Variants in NKAIN3 observed in about 807,000 individuals in gnomAD.
NKAIN3 encodes sodium/potassium-transporting ATPase subunit beta-1-interacting protein 3.
NKAIN3 carries 25 observed loss-of-function variants against 30.2 expected under a neutral mutation model. The ratio of observed to expected loss-of-function variants is 0.83; its 90% CI spans 0.60 to 1.16. The LOEUF is 1.16. Among genes scored for constraint, NKAIN3 ranks in the 50% most tolerant of loss-of-function variants. The pLI, the probability that NKAIN3 is intolerant of heterozygous loss-of-function variation, is 0.00. For synonymous variants in NKAIN3, 91 were observed against 89.6 expected (o/e 1.02, Z -0.09); for missense variants, 225 against 254.1 (o/e 0.89, Z 0.78).
chr8:62,854,053 G>T (rs1367061718), intron 4 of NKAIN3, among the ~76,000 whole-genome samples: 1 of 152,122 alleles, frequency 6.6e-6, no homozygotes, highest in Non-Finnish European at 1.5e-5. Context: ...ATTGTGCTGT[G>T]GTCCAAGAGA....
chr8:62,465,202 C>T (rs12548105), intron 1 of NKAIN3, among the ~76,000 whole-genome samples: 27,720 of 152,072 alleles, frequency 0.18, 2,646 homozygotes, highest in African/African-American at 0.21. Flanking sequence ...TTATTGTATA[C>T]GTTGCAAGTA....
intron 1 of NKAIN3, among the ~76,000 whole-genome samples, chr8:62,469,131 C>G (rs912134910): frequency 2.0e-5 from 3 of 152,144 alleles, no homozygotes; most frequent in Non-Finnish European, 4.4e-5. Flanking sequence ...CACCTCCGAG[C>G]CTAGAACCCC....
rs1181598549 is a variant in NKAIN3 at position 62,966,382 on chromosome 8, T to C, written c.*975T>C. 2 of 985,268 alleles carry C rather than the reference T, an allele frequency of 2.0e-6. No homozygotes were observed. The highest frequency in any genetic ancestry group is 2.4e-6 in the Non-Finnish European group (2 of 829,792). 61.0% of individuals were successfully genotyped at this position (985,268 alleles called of 1,614,324 possible). On this transcript the variant is annotated 3_prime_UTR_variant, in exon 7 of 7. Coordinates refer to ENST00000623646, the MANE Select transcript of NKAIN3 (RefSeq NM_001304533.3). ...AAGAAAATGATATGGGAAGCAATTATCTGTGGAAAAAAGGACTGTCTTGAA... is the reference window on the plus strand; with the variant it reads ...AAGAAAATGATATGGGAAGCAATTACCTGTGGAAAAAAGGACTGTCTTGAA...
chr8:62,798,221 G>C (rs775849247), intron 4 of NKAIN3, among the ~76,000 whole-genome samples: 4 of 152,140 alleles, frequency 2.6e-5, no homozygotes, highest in Non-Finnish European at 5.9e-5. Context: ...TATCAGATCT[G>C]TAAAGCTATG....
At chr8:62,412,867 G>T (rs1292579533) in intron 1 of NKAIN3, among the ~76,000 whole-genome samples, 10 of 140,804 alleles carry the variant, frequency 7.1e-5, no homozygotes, top group African/African-American at 2.1e-4. Context: ...AGCTGAGATC[G>T]CACCACTGCA....
chr8:62,767,088 C>T lies in NKAIN3; in HGVS notation c.471+19959C>T, dbSNP rs553453613. On this transcript the variant is annotated intron_variant, in intron 4 of 6. Transcript: ENST00000623646. ...TTCCCCTAACTTTTTATAATAGTAC[C>T]TCAATTCCCTTTTAGTTAGAGAGCT... Among the ~76,000 whole-genome samples, 284 of 152,042 alleles carry T rather than the reference C, an allele frequency of 1.9e-3. 1 individual carries two copies. Among genetic ancestry groups the T allele is most frequent in the Non-Finnish European group, 3.2e-3 (221 of 68,032 alleles).
intron 4 of NKAIN3, among the ~76,000 whole-genome samples, chr8:62,833,052 C>A (rs1586247788): frequency 6.6e-6 from 1 of 152,004 alleles, no homozygotes; most frequent in African/African-American, 2.4e-5. Context: ...CAAAACTACA[C>A]AATTACATGG....
intron 3 of NKAIN3, among the ~76,000 whole-genome samples, chr8:62,695,539 C>A (rs1014259598): frequency 6.6e-6 from 1 of 152,064 alleles, no homozygotes; most frequent in South Asian, 2.1e-4. Flanking sequence ...ATCTGCAATA[C>A]GCAGCAAGAG....
At chr8:62,316,315 A>G (rs1814625241) in intron 1 of NKAIN3, among the ~76,000 whole-genome samples, 1 of 152,064 alleles carries the variant, frequency 6.6e-6, no homozygotes, top group African/African-American at 2.4e-5. Flanking sequence ...GTTTTAGGGT[A>G]CATGTGCACA....
At chr8:62,562,156 A>G (rs56121078) in intron 1 of NKAIN3, among the ~76,000 whole-genome samples, 56,421 of 152,026 alleles carry the variant, frequency 0.37, 12,332 homozygotes, top group Non-Finnish European at 0.5. Flanking sequence ...TAGCCTCTTT[A>G]TACACATATA....
intron 3 of NKAIN3, among the ~76,000 whole-genome samples, chr8:62,628,949 G>T (rs1233863760): frequency 6.6e-6 from 1 of 152,102 alleles, no homozygotes; most frequent in African/African-American, 2.4e-5. Flanking sequence ...ATACATATTT[G>T]TTGAATGAAT....
chr8:62,927,502 GAA>G (rs1205149059), intron 5 of NKAIN3, among the ~76,000 whole-genome samples: 1 of 152,108 alleles, frequency 6.6e-6, no homozygotes, highest in Non-Finnish European at 1.5e-5. Context: ...CTACCGTAAA[GAA>G]AAGACAAATA....
At chr8:62,567,757 T>G (rs918207064) in intron 1 of NKAIN3, among the ~76,000 whole-genome samples, 3 of 152,096 alleles carry the variant, frequency 2.0e-5, no homozygotes, top group African/African-American at 7.2e-5. Context: ...AATGCAGCCC[T>G]TCTGATTCCT....
chr8:62,969,493 C>A lies in NKAIN3; in HGVS notation c.*4086C>A, dbSNP rs1041019732. ...ACCTAATTTTAAAACGAATTGTGTCCCCAAATATGGTCTATTCTGGCTAAT... is the reference window on the plus strand; with the variant it reads ...ACCTAATTTTAAAACGAATTGTGTCACCAAATATGGTCTATTCTGGCTAAT... On this transcript the variant is annotated 3_prime_UTR_variant, in exon 7 of 7. Transcript: ENST00000623646. Among the ~76,000 whole-genome samples the A allele has an allele frequency of 2.6e-5, 4 of 152,036 alleles. No individual in the cohort carries two copies. Among genetic ancestry groups the A allele is most frequent in the Non-Finnish European group, 5.9e-5 (4 of 67,998 alleles).
chr8:62,832,021 T>G (rs1819212434), intron 4 of NKAIN3, among the ~76,000 whole-genome samples: 1 of 152,002 alleles, frequency 6.6e-6, no homozygotes, highest in African/African-American at 2.4e-5. Context: ...AGCAGACATC[T>G]CAGTAAAAAA....
At chr8:62,368,822 GT>G (rs56844812) in intron 1 of NKAIN3, among the ~76,000 whole-genome samples, 100,509 of 147,776 alleles carry the variant, frequency 0.68, 35,519 homozygotes, top group South Asian at 0.82. Context: ...ACTTTTTCTT[GT>G]TTTTTTTTTT....
Position 62,956,064 on chromosome 8 carries a change from T to A in NKAIN3, c.603+2092T>A, listed in dbSNP as rs949887747. 2.0e-5 allele frequency among the ~76,000 whole-genome samples: 3 copies of A among 152,346 alleles called. 1 individual carries two copies. The highest frequency in any genetic ancestry group is 2.0e-4 in the Admixed American group (3 of 15,308). ...AAGACTGAATTGAAATCATTGTGCA[T>A]GAAACAATTTAAGAGGTCAGTATCT... On this transcript the variant is annotated intron_variant, in intron 6 of 6. Coordinates refer to ENST00000623646, the MANE Select transcript of NKAIN3 (RefSeq NM_001304533.3).
At chr8:62,617,983 G>A (rs954665970) in intron 3 of NKAIN3, among the ~76,000 whole-genome samples, 1 of 152,172 alleles carries the variant, frequency 6.6e-6, no homozygotes, top group Non-Finnish European at 1.5e-5. Context: ...GTGAATTCAA[G>A]CATCAAAGAC....
intron 1 of NKAIN3, among the ~76,000 whole-genome samples, chr8:62,420,271 A>C: frequency 6.6e-6 from 1 of 152,152 alleles, no homozygotes; most frequent in East Asian, 1.9e-4. Context: ...CCCAGATCTA[A>C]ATATATAATT....
Sources: allele counts gnomAD v4.1 joint callset (sites outside exome capture counted in the v4.1 genomes callset), GRCh38; gene constraint gnomAD v4.1.1; transcripts MANE v1.5; gene names NCBI Gene and HGNC (gene_info 2026-07-23, HGNC 2026-07-21).